MED12L: variants seen among roughly 807,000 people sequenced by gnomAD.
The protein encoded by MED12L is mediator complex subunit 12L.
A neutral mutation model predicts 281.3 loss-of-function variants in MED12L; 60 were observed. That is an observed-to-expected ratio of 0.21 (90% confidence interval 0.17 to 0.26). MED12L has a LOEUF of 0.26. Ranked by LOEUF, MED12L falls within the 10% of genes least tolerant of loss-of-function variation. The pLI, the probability that MED12L is intolerant of heterozygous loss-of-function variation, is 1.00. For synonymous variants in MED12L, 974 were observed against 987.2 expected (o/e 0.99, Z 0.25); for missense variants, 2,146 against 2,680.9 (o/e 0.80, Z 4.41).
intron 17 of MED12L, among the ~76,000 whole-genome samples, chr3:151,354,536 T>C (rs961327910): frequency 3.3e-5 from 5 of 152,214 alleles, no homozygotes; most frequent in African/African-American, 1.2e-4. Flanking sequence ...AGCAAGTGTT[T>C]GATTAAGTCA....
intron 27 of MED12L, among the ~76,000 whole-genome samples, chr3:151,373,560 G>GTT (rs200969717): frequency 1.0e-4 from 15 of 145,870 alleles, no homozygotes; most frequent in East Asian, 2.0e-4. Context: ...CAAAATGGTG[G>GTT]TTTTTTTTTT....
intron 3 of MED12L, among the ~76,000 whole-genome samples, chr3:151,119,156 G>A (rs1576766072): frequency 1.3e-5 from 2 of 152,292 alleles, no homozygotes; most frequent in East Asian, 1.9e-4. Flanking sequence ...ACAGCAGTTA[G>A]TCTGTTGCCA....
In MED12L at chr3:151,388,130, A is replaced by G. The variant is rs756013262; in HGVS notation, c.5409A>G (p.Thr1803=). Residue 1803 remains threonine (T), a synonymous_variant, in exon 37 of 45, where the codon ACA becomes ACG. Transcript: ENST00000687756. ...CCACAACAGATGAAGAAAAGAAAAC[A>G]AAAGGAAGGAAGCGCAAGACGAAAT... ...GKTTTDEEKK[T]KGRKRKTKSS... is the part of the protein sequence containing the mutation. The G allele has an allele frequency of 1.9e-6, 3 of 1,609,294 alleles. No homozygotes were observed. The South Asian group carries it at 3.3e-5, about 18-fold the overall frequency.
At chr3:151,211,133 T>C (rs1017762318) in intron 16 of MED12L, among the ~76,000 whole-genome samples, 15 of 152,268 alleles carry the variant, frequency 9.9e-5, no homozygotes, top group African/African-American at 3.6e-4. Context: ...TAACTATTAC[T>C]CAGCTGTTGC....
intron 36 of MED12L, among the ~76,000 whole-genome samples, chr3:151,385,721 G>GAAAA (rs34514758): frequency 8.4e-6 from 1 of 118,748 alleles, no homozygotes. Context: ...TCTGGGGGGG[G>GAAAA]AAAAAAAAAA....
chr3:151,159,839 A>G lies in MED12L; in HGVS notation c.845A>G (p.Asp282Gly). The G allele has an allele frequency of 6.2e-7, 1 of 1,613,474 alleles. No homozygotes were observed. The highest frequency in any genetic ancestry group is 1.1e-5 in the South Asian group (1 of 91,034). ...LLLPLMLQYS[D>G]EFVQSAYLSR... ...TGTCCTTCTACTTCTCAGTATTCAG[A>G]TGAGTTTGTTCAGTCGGCCTACCTG... Residue 282 changes from aspartate to glycine, a missense_variant, in exon 8 of 45, where the codon GAT becomes GGT. By Grantham distance (94) the Asp-to-Gly change is moderately conservative. Coordinates refer to ENST00000687756, the MANE Select transcript of MED12L (RefSeq NM_001393769.1).
chr3:151,234,366 T>C (rs1018914219), intron 16 of MED12L, among the ~76,000 whole-genome samples: 1 of 152,228 alleles, frequency 6.6e-6, no homozygotes, highest in African/African-American at 2.4e-5. Flanking sequence ...AAATTGTCTG[T>C]CTAGGTATTG....
intron 16 of MED12L, 173 bp downstream of exon 16, chr3:151,193,839 G>A (rs1724286344): frequency 2.0e-6 from 1 of 506,418 alleles, no homozygotes; most frequent in African/African-American, 1.9e-5. Context: ...TACTGAGGTT[G>A]TCCGAATTTG....
intron 16 of MED12L, among the ~76,000 whole-genome samples, chr3:151,233,657 C>G (rs567147822): frequency 1.3e-5 from 2 of 152,270 alleles, no homozygotes; most frequent in East Asian, 3.9e-4. Flanking sequence ...CACTTGAACC[C>G]GGGAGGCGGA....
chr3:151,140,016 A>G (rs753028208), intron 5 of MED12L, among the ~76,000 whole-genome samples: 16 of 152,192 alleles, frequency 1.1e-4, no homozygotes, highest in Admixed American at 8.5e-4. Flanking sequence ...ATGTTTTATG[A>G]AAAAGATTTG....
intron 30 of MED12L, among the ~76,000 whole-genome samples, chr3:151,377,686 G>T (rs1393964366): frequency 2.0e-5 from 3 of 152,122 alleles, no homozygotes; most frequent in African/African-American, 7.2e-5. Context: ...ATTTCATATT[G>T]TAACTGTGAC....
In MED12L at chr3:151,396,528, A is replaced by G. The variant is rs190047789; in HGVS notation, c.5820+1661A>G. Among the ~76,000 whole-genome samples, 256 of 152,328 alleles carry G rather than the reference A, an allele frequency of 1.7e-3. 1 individual carries two copies. The highest frequency in any genetic ancestry group is 5.8e-3 in the African/African-American group (242 of 41,572). On this transcript the variant is annotated intron_variant, in intron 39 of 44. Transcript: ENST00000687756. ...GTAGTCCCAGCTACTTGGGAGGCTG[A>G]GGCAGGAGAATTACTTGAACCTGGG... is the stretch of plus-strand genomic sequence containing the variant.
chr3:151,139,610 G>A (rs1379189941), intron 5 of MED12L, among the ~76,000 whole-genome samples: 1 of 152,180 alleles, frequency 6.6e-6, no homozygotes, highest in Non-Finnish European at 1.5e-5. Flanking sequence ...TGTGAGAGGA[G>A]AATATTGGCG....
chr3:151,295,166 C>T (rs1267611883), intron 16 of MED12L: 5 of 1,612,302 alleles, frequency 3.1e-6, no homozygotes, highest in South Asian at 1.1e-5. Context: ...TGGCCCGTCG[C>T]TCCTGTTGCC....
intron 9 of MED12L, 22 bp from the exon 10 acceptor site, chr3:151,165,398 A>G: frequency 6.3e-7 from 1 of 1,598,608 alleles, no homozygotes; most frequent in Non-Finnish European, 8.6e-7. Context: ...GCACAAGTTA[A>G]TTAGAAGCGA....
chr3:151,093,501 C>A (rs565192609), intron 2 of MED12L, among the ~76,000 whole-genome samples: 1 of 152,178 alleles, frequency 6.6e-6, no homozygotes, highest in Non-Finnish European at 1.5e-5. Context: ...TTATTCCTAC[C>A]TGCTGCCCTT....
intron 15 of MED12L, among the ~76,000 whole-genome samples, chr3:151,192,907 A>G (rs759015974): frequency 1.3e-5 from 2 of 152,164 alleles, no homozygotes; most frequent in Admixed American, 6.5e-5. Context: ...TGAGCTCATC[A>G]TCATCTCATT....
At chr3:151,113,811 T>C (rs573663612) in intron 2 of MED12L, among the ~76,000 whole-genome samples, 124 of 152,298 alleles carry the variant, frequency 8.1e-4, no homozygotes, top group Non-Finnish European at 1.5e-3. Flanking sequence ...GTGTGTCTCT[T>C]CATCCCAGCG....
intron 16 of MED12L, among the ~76,000 whole-genome samples, chr3:151,243,409 G>T (rs1353267189): frequency 7.4e-4 from 29 of 39,342 alleles, no homozygotes; most frequent in Non-Finnish European, 1.2e-3. Flanking sequence ...CAGACTAACA[G>T]CGGATCTCTC....
Sources: gnomAD v4.1 joint callset for allele counts (sites outside exome capture counted in the v4.1 genomes callset) on GRCh38, gnomAD v4.1.1 for gene constraint, MANE v1.5 for transcripts, NCBI Gene and HGNC (gene_info 2026-07-23, HGNC 2026-07-21) for gene names.